MYCBP2: variants seen among roughly 807,000 people sequenced by gnomAD.
MYCBP2 encodes MYC binding protein 2, also known as E3 ubiquitin-protein ligase MYCBP2.
In MYCBP2, 120 loss-of-function variants were observed where a neutral mutation model predicts 525.3. That is an observed-to-expected ratio of 0.23 (90% CI 0.20 to 0.27). The LOEUF (loss-of-function observed/expected upper bound fraction) is 0.27, where lower values mean the gene tolerates loss of function less well. Among genes scored for constraint, MYCBP2 ranks in the 10% least tolerant of loss-of-function variants. The pLI, the probability that MYCBP2 is intolerant of heterozygous loss-of-function variation, is 1.00. For missense variants in MYCBP2, 4,149 were observed against 5,657.1 expected (o/e 0.73, Z 8.55); for synonymous variants, 1,894 against 1,955.8 (o/e 0.97, Z 0.83).
rs372847961 is a variant in MYCBP2 at position 77,045,366 on chromosome 13, G to A, written c.*12C>T. 1 of 1,596,684 alleles carries A rather than the reference G, an allele frequency of 6.3e-7. No individual in the cohort carries two copies. The highest frequency in any genetic ancestry group is 1.3e-5 in the African/African-American group (1 of 74,488). On this transcript the variant is annotated 3_prime_UTR_variant, in exon 83 of 83. Coordinates refer to ENST00000544440, the MANE Select transcript of MYCBP2 (RefSeq NM_015057.5). ...GCAATTTTTCTCTCTGTAGACAAAG[G>A]ATCTGCGTGTTCTAAAAAGTGTGGG...
intron 38 of MYCBP2, among the ~76,000 whole-genome samples, chr13:77,170,690 C>A (rs1422871075): frequency 2.0e-5 from 3 of 151,706 alleles, no homozygotes; most frequent in Non-Finnish European, 4.4e-5. Context: ...GATTCTCCTG[C>A]CTCAGCCTTC....
rs1212674152 is a variant in MYCBP2 at position 77,168,474 on chromosome 13, A to C, written c.6068T>G (p.Ile2023Arg). 1 of 1,614,056 alleles carries C rather than the reference A, an allele frequency of 6.2e-7. No individual in the cohort carries two copies. Among genetic ancestry groups the C allele is most frequent in the Non-Finnish European group, 8.5e-7 (1 of 1,180,002 alleles). ...ACTTSSHYAV[I>R]ESEHPYKPAC... Reference sequence around the variant, plus strand: ...AGGTTTATACGGGTGCTCACTCTCTATGACAGCATAGTGACTGGAGGTTGT... The same window carrying C: ...AGGTTTATACGGGTGCTCACTCTCTCTGACAGCATAGTGACTGGAGGTTGT... Residue 2023 changes from isoleucine (I) to arginine (R), a missense_variant, in exon 40 of 83, where the codon ATA becomes AGA. Around this residue, in one of 21 missense-constraint regions of MYCBP2, gnomAD observed 692 missense variants for 852.7 expected, o/e 0.81. Coordinates refer to ENST00000544440, the MANE Select transcript of MYCBP2 (RefSeq NM_015057.5).
At chr13:77,188,842 G>T in intron 30 of MYCBP2, 109 bp downstream of exon 30, 1 of 624,206 alleles carries the variant, frequency 1.6e-6, no homozygotes, top group Non-Finnish European at 2.5e-6. Context: ...CCAAATCTGA[G>T]TTTATAAATC....
chr13:77,190,942 T>C (rs1225520976), intron 28 of MYCBP2, among the ~76,000 whole-genome samples: 2 of 152,218 alleles, frequency 1.3e-5, no homozygotes, highest in Admixed American at 6.5e-5. Flanking sequence ...AAATAGTTTA[T>C]GCTCAGGAGT....
intron 14 of MYCBP2, among the ~76,000 whole-genome samples, chr13:77,257,186 C>A (rs1249522019): frequency 6.6e-6 from 1 of 152,034 alleles, no homozygotes; most frequent in African/African-American, 2.4e-5. Flanking sequence ...AAAATTAAAA[C>A]AATTGAACTC....
intron 20 of MYCBP2, among the ~76,000 whole-genome samples, chr13:77,221,893 T>C (rs1383374812): frequency 6.6e-6 from 1 of 152,168 alleles, no homozygotes; most frequent in East Asian, 1.9e-4. Context: ...ATTGGCATAG[T>C]ATTTGTACAT....
intron 28 of MYCBP2, among the ~76,000 whole-genome samples, chr13:77,191,444 C>T (rs563232097): frequency 1.7e-4 from 26 of 152,174 alleles, no homozygotes; most frequent in African/African-American, 6.3e-4. Flanking sequence ...ATGTAATACC[C>T]AGAAATATAT....
intron 33 of MYCBP2, 126 bp downstream of exon 33, chr13:77,181,575 G>C: frequency 1.8e-6 from 1 of 543,868 alleles, no homozygotes; most frequent in Non-Finnish European, 3.1e-6. Flanking sequence ...AGAAGAATAA[G>C]CACCAAGCTA....
At chr13:77,138,168 T>G (rs2054046940) in intron 52 of MYCBP2, among the ~76,000 whole-genome samples, 2 of 152,256 alleles carry the variant, frequency 1.3e-5, no homozygotes, top group Non-Finnish European at 2.9e-5. Flanking sequence ...CTCTAAATCT[T>G]CTTGATCACA....
chr13:77,264,097 C>G, intron 8 of MYCBP2, 95 bp from the exon 9 acceptor site: 1 of 895,192 alleles, frequency 1.1e-6, no homozygotes, highest in Non-Finnish European at 1.7e-6. Context: ...GAGTTCTCCA[C>G]GCAATAAGGA....
intron 26 of MYCBP2, among the ~76,000 whole-genome samples, chr13:77,195,867 A>G (rs763149890): frequency 2.0e-5 from 3 of 152,208 alleles, no homozygotes; most frequent in Non-Finnish European, 2.9e-5. Context: ...TTGGTTTCTC[A>G]TCTCCTCCAC....
At chr13:77,237,571 A>G (rs2068107347) in intron 17 of MYCBP2, among the ~76,000 whole-genome samples, 1 of 152,194 alleles carries the variant, frequency 6.6e-6, no homozygotes, top group African/African-American at 2.4e-5. Flanking sequence ...AAATAAAAAC[A>G]ATAATTGAAT....
intron 1 of MYCBP2, among the ~76,000 whole-genome samples, chr13:77,318,331 A>C (rs191830936): frequency 2.0e-5 from 3 of 152,358 alleles, no homozygotes; most frequent in Non-Finnish European, 4.4e-5. Flanking sequence ...GGCCAAAAGA[A>C]ATACCAAACA....
At chr13:77,315,354 A>G (rs1304653690) in intron 1 of MYCBP2, among the ~76,000 whole-genome samples, 3 of 152,056 alleles carry the variant, frequency 2.0e-5, no homozygotes, top group Non-Finnish European at 4.4e-5. Flanking sequence ...AAAAGAAAAG[A>G]AAAAAAACCG....
Position 77,045,247 on chromosome 13 carries a change from C to T in MYCBP2, c.*131G>A. On this transcript the variant is annotated 3_prime_UTR_variant, in exon 83 of 83. Transcript: ENST00000544440. The stretch of plus-strand genomic sequence containing the variant: ...TACATGGTATTTGGTATCCTTCTTG[C>T]ACTGTGAATGGTTCATTTTCATGGA... 1.7e-6 allele frequency: 1 copy of T among 584,250 alleles called. No homozygotes were observed. The highest frequency in any genetic ancestry group is 3.1e-6 in the Non-Finnish European group (1 of 325,516). 36.2% of individuals were successfully genotyped at this position (584,250 alleles called of 1,614,324 possible).
At chr13:77,227,361 A>C (rs914423016) in intron 18 of MYCBP2, among the ~76,000 whole-genome samples, 4 of 150,082 alleles carry the variant, frequency 2.7e-5, no homozygotes, top group African/African-American at 4.9e-5. Flanking sequence ...AAAAAAAAAA[A>C]CCAACAACAT....
At chr13:77,225,363 T>C in intron 19 of MYCBP2, 72 bp downstream of exon 19, 2 of 1,596,888 alleles carry the variant, frequency 1.3e-6, no homozygotes, top group Non-Finnish European at 1.7e-6. Flanking sequence ...GCTATGTTCA[T>C]CAAATCTGAA....
chr13:77,270,306 C>A lies in MYCBP2; in HGVS notation c.1178G>T (p.Gly393Val). Residue 393 changes from glycine to valine, a missense_variant, in exon 6 of 83, where the codon GGA becomes GTA. By Grantham distance (109) the Gly-to-Val change is moderately radical. This residue lies in a region of MYCBP2 where 262 missense variants were observed against 419.3 expected (regional missense o/e 0.62). Coordinates refer to ENST00000544440, the MANE Select transcript of MYCBP2 (RefSeq NM_015057.5). Reference protein sequence around the residue: ...GLYKIGSGYSGTVRGHIYNST... With the variant: ...GLYKIGSGYSVTVRGHIYNST... The stretch of plus-strand genomic sequence containing the variant: ...AAGGAATCACATTACCCTAACTGTT[C>A]CACTGTATCCAGAGCCTATTTTATA... The A allele has an allele frequency of 6.2e-7, 1 of 1,610,742 alleles. No individual in the cohort carries two copies. The highest frequency in any genetic ancestry group is 1.1e-5 in the South Asian group (1 of 90,780).
At chr13:77,064,134 C>T (rs887074126) in intron 73 of MYCBP2, among the ~76,000 whole-genome samples, 1 of 151,502 alleles carries the variant, frequency 6.6e-6, no homozygotes, top group Non-Finnish European at 1.5e-5. Context: ...AGATTTCCAC[C>T]CTGACCCTGC....
Sources: gnomAD v4.1 joint callset for allele counts (sites outside exome capture counted in the v4.1 genomes callset) on GRCh38, gnomAD v4.1.1 for gene constraint, gnomAD v4.1.1 regional missense constraint, MANE v1.5 for transcripts, NCBI Gene and HGNC (gene_info 2026-07-23, HGNC 2026-07-21) for gene names.